STXBP5L: variants seen among roughly 807,000 people sequenced by gnomAD.
STXBP5L encodes the protein syntaxin-binding protein 5-like.
A neutral mutation model predicts 144.5 loss-of-function variants in STXBP5L; 65 were observed. The ratio of observed to expected loss-of-function variants is 0.45; its 90% CI spans 0.37 to 0.55. The LOEUF is 0.55. STXBP5L is among the 20% of genes least tolerant of loss of function. The pLI is 0.00. For missense variants in STXBP5L, 1,298 were observed against 1,405.5 expected, an observed-to-expected ratio of 0.92 and a Z score of 1.22; for synonymous variants, 505 against 469.6, an observed-to-expected ratio of 1.08 and a Z score of -0.97.
Position 121,419,857 on chromosome 3 carries a change from C to G in STXBP5L, c.*760C>G, listed in dbSNP as rs1229119814. 1 of 152,178 alleles carries G rather than the reference C, an allele frequency of 6.6e-6. No homozygotes were observed. Among genetic ancestry groups the G allele is most frequent in the African/African-American group, 2.4e-5 (1 of 41,426 alleles). The allele number at this position is 152,178 out of a possible 1,614,324, so 9.4% of individuals were successfully genotyped here. On this transcript the variant is annotated 3_prime_UTR_variant, in exon 27 of 27. Coordinates refer to ENST00000471454, the MANE Select transcript of STXBP5L (RefSeq NM_001308330.2). ...GTTGCTGTTTTTAGCACAAACCATG[C>G]AGGGTTGGGTCACCTCAAAGCATTT... is the stretch of plus-strand genomic sequence containing the variant.
intron 3 of STXBP5L, among the ~76,000 whole-genome samples, chr3:120,989,299 G>A (rs565834084): frequency 4.7e-4 from 71 of 152,188 alleles, no homozygotes; most frequent in African/African-American, 1.7e-3. Context: ...AATATCTGTT[G>A]TTGATTGACT....
In STXBP5L at chr3:121,259,096, T is replaced by C; in HGVS notation, c.1886T>C (p.Ile629Thr). ...MPPGYQAELV[I>T]QLVWVDGEPP... is the part of the protein sequence containing the mutation. ...CCAGGATATCAAGCAGAACTTGTTA[T>C]TCAATTGGTGTGGGTAGATGGTGAA... is the stretch of plus-strand genomic sequence containing the variant. The change falls in exon 18 of 27, where the codon ATT becomes ACT. Residue 629 changes from isoleucine to threonine, a missense_variant. Transcript: ENST00000471454. The C allele has an allele frequency of 6.2e-7, 1 of 1,606,932 alleles. No homozygotes were observed.
intron 7 of STXBP5L, 62 bp downstream of exon 7, chr3:121,121,766 C>A: frequency 7.8e-7 from 1 of 1,278,868 alleles, no homozygotes; most frequent in Non-Finnish European, 1.1e-6. Flanking sequence ...AAAGGTGTTT[C>A]TTACTATTAT....
intron 5 of STXBP5L, among the ~76,000 whole-genome samples, chr3:121,086,438 G>A (rs1333824382): frequency 6.6e-6 from 1 of 151,748 alleles, no homozygotes; most frequent in Non-Finnish European, 1.5e-5. Context: ...TAACATTATA[G>A]CACAATGCAT....
intron 7 of STXBP5L, among the ~76,000 whole-genome samples, chr3:121,139,016 G>A (rs1245694616): frequency 2.6e-5 from 4 of 151,946 alleles, no homozygotes; most frequent in African/African-American, 4.8e-5. Context: ...TACTCATATT[G>A]GAGGGTTAAA....
chr3:121,122,517 G>A (rs977374759), intron 7 of STXBP5L, among the ~76,000 whole-genome samples: 1 of 151,352 alleles, frequency 6.6e-6, no homozygotes, highest in Non-Finnish European at 1.5e-5. Flanking sequence ...TATTGGTACA[G>A]GGGTACACAA....
chr3:121,292,229 G>A (rs1269150552), intron 19 of STXBP5L, among the ~76,000 whole-genome samples: 1 of 152,084 alleles, frequency 6.6e-6, no homozygotes, highest in Non-Finnish European at 1.5e-5. Context: ...CAAAAAGTGA[G>A]TTAAAGACAT....
intron 19 of STXBP5L, among the ~76,000 whole-genome samples, chr3:121,283,896 TGTGTGTG>T (rs2051145589): frequency 1.0e-4 from 10 of 99,746 alleles, no homozygotes; most frequent in African/African-American, 4.2e-4. Context: ...TGTGTGTGCT[TGTGTGTG>T]TGTGTGTGTG....
intron 11 of STXBP5L, among the ~76,000 whole-genome samples, chr3:121,230,086 CTATT>C (rs2049255416): frequency 6.6e-6 from 1 of 152,108 alleles, no homozygotes; most frequent in African/African-American, 2.4e-5. Context: ...AAATTTATAG[CTATT>C]TATCCCATTT....
At chr3:121,353,725 CT>C (rs1201374007) in intron 20 of STXBP5L, among the ~76,000 whole-genome samples, 1 of 152,108 alleles carries the variant, frequency 6.6e-6, no homozygotes, top group African/African-American at 2.4e-5. Flanking sequence ...CTTCTGCTAG[CT>C]TTTGAATTTG....
At chr3:121,103,704 A>C (rs898185698) in intron 5 of STXBP5L, among the ~76,000 whole-genome samples, 2 of 152,202 alleles carry the variant, frequency 1.3e-5, no homozygotes, top group Non-Finnish European at 2.9e-5. Flanking sequence ...AAGATAAGAC[A>C]GTATAGAGAA....
chr3:121,396,945 A>C (rs1326227748), intron 22 of STXBP5L, among the ~76,000 whole-genome samples: 1 of 152,262 alleles, frequency 6.6e-6, no homozygotes, highest in African/African-American at 2.4e-5. Flanking sequence ...ACTGTGTGGA[A>C]TGAACCACAT....
intron 3 of STXBP5L, among the ~76,000 whole-genome samples, chr3:121,015,286 C>A (rs964208719): frequency 6.6e-6 from 1 of 152,158 alleles, no homozygotes; most frequent in Non-Finnish European, 1.5e-5. Flanking sequence ...TTTCTGGTTT[C>A]AACTTCAACA....
At chr3:121,117,138 T>G (rs1272876123) in intron 6 of STXBP5L, among the ~76,000 whole-genome samples, 1 of 151,886 alleles carries the variant, frequency 6.6e-6, no homozygotes, top group Non-Finnish European at 1.5e-5. Context: ...TCAAGACTAA[T>G]GAAGAGTTTT....
Position 121,259,032 on chromosome 3 carries a change from T to C in STXBP5L, c.1833-11T>C, listed in dbSNP as rs1363359105. 5.0e-6 allele frequency: 8 copies of C among 1,587,728 alleles called. No individual in the cohort carries two copies. Among genetic ancestry groups the C allele is most frequent in the African/African-American group, 1.4e-5 (1 of 73,934 alleles). On this transcript the variant is annotated splice_polypyrimidine_tract_variant and intron_variant, in intron 17 of 26. Transcript: ENST00000471454. The stretch of plus-strand genomic sequence containing the variant: ...AAGCTGTATATAATAGGATTGTTTT[T>C]GTTCTTAAAGTGTGAAGACACGGCC...
intron 20 of STXBP5L, among the ~76,000 whole-genome samples, chr3:121,323,978 C>A (rs959642655): frequency 6.6e-6 from 1 of 152,052 alleles, no homozygotes. Context: ...TGAATGTATG[C>A]CTTTTTTCTA....
At chr3:121,318,763 G>A (rs532475661) in intron 20 of STXBP5L, among the ~76,000 whole-genome samples, 1 of 152,176 alleles carries the variant, frequency 6.6e-6, no homozygotes, top group African/African-American at 2.4e-5. Context: ...AGGTAAAAGT[G>A]CAACACTTTA....
chr3:121,008,924 A>G (rs973452211), intron 3 of STXBP5L, among the ~76,000 whole-genome samples: 2 of 138,380 alleles, frequency 1.4e-5, no homozygotes, highest in South Asian at 2.2e-4. Flanking sequence ...ACGGTTTAAT[A>G]TAATCAATTT....
chr3:121,390,736 T>C lies in STXBP5L; in HGVS notation c.2587+9204T>C, dbSNP rs59142965. On this transcript the variant is annotated intron_variant, in intron 22 of 26. Transcript: ENST00000471454. ...CCCCACTCTCTTCTGGCTTGTAGAG[T>C]TTCTGCCAAGAGATCTGCTGTTAGT... is the stretch of plus-strand genomic sequence containing the variant. 3.1e-3 allele frequency among the ~76,000 whole-genome samples: 472 copies of C among 152,286 alleles called. 4 individuals are homozygous for C. The highest frequency in any genetic ancestry group is 0.011 in the African/African-American group (447 of 41,558).
Sources: allele counts gnomAD v4.1 joint callset (sites outside exome capture counted in the v4.1 genomes callset), GRCh38; gene constraint gnomAD v4.1.1; transcripts MANE v1.5; gene names NCBI Gene and HGNC (gene_info 2026-07-23, HGNC 2026-07-21).